RERE: variants seen among roughly 807,000 people sequenced by gnomAD.
RERE encodes arginine-glutamic acid dipeptide repeats.
A neutral mutation model predicts 146.1 loss-of-function variants in RERE; 40 were observed. The observed-to-expected ratio is 0.27, with a 90% CI of 0.21 to 0.36. RERE has a LOEUF of 0.36. Among genes scored for constraint, RERE ranks in the 10% least tolerant of loss-of-function variants. RERE has a pLI of 1.00. For missense variants in RERE, 1,933 were observed against 2,138.7 expected, an observed-to-expected ratio of 0.90 and a Z score of 1.90; for synonymous variants, 1,003 against 866.0, an observed-to-expected ratio of 1.16 and a Z score of -2.78.
chr1:8,454,300 C>T (rs1162657742), intron 11 of RERE, among the ~76,000 whole-genome samples: 3 of 152,154 alleles, frequency 2.0e-5, no homozygotes, highest in South Asian at 2.1e-4. Flanking sequence ...CATGTGTACA[C>T]GTGTGTTTTC....
At chr1:8,377,769 G>A (rs967901220) in intron 12 of RERE, among the ~76,000 whole-genome samples, 2 of 152,094 alleles carry the variant, frequency 1.3e-5, no homozygotes, top group Non-Finnish European at 1.5e-5. Context: ...GTTTAATGAC[G>A]GGAGCGGGAC....
Position 8,360,418 on chromosome 1 carries a change from G to T in RERE, c.3089C>A (p.Pro1030His). The T allele has an allele frequency of 7.8e-7, 1 of 1,276,444 alleles. No individual in the cohort carries two copies. The highest frequency in any genetic ancestry group is 1.0e-6 in the Non-Finnish European group (1 of 998,392). The allele number at this position is 1,276,444 out of a possible 1,614,324, so 79.1% of individuals were successfully genotyped here. A position where few individuals can be genotyped will look rare whatever the true frequency, so the allele number is the denominator to read the frequency against. ...GGGGTGCTGAGCAAACGGGGGTTGGGGGGCCACCTGGTGGAGGCCTGTAGG... is the reference window on the plus strand; with the variant it reads ...GGGGTGCTGAGCAAACGGGGGTTGGTGGGCCACCTGGTGGAGGCCTGTAGG... ...HPPTGLHQVA[P>H]QPPFAQHPFV... Residue 1030 changes from proline (P) to histidine (H), a missense_variant, in exon 18 of 23, where the codon CCC (proline) becomes CAC (histidine). By Grantham distance (77) the Pro-to-His change is moderately conservative (BLOSUM62 -2). Transcript: ENST00000400908.
At chr1:8,416,324 A>T (rs148530415) in intron 12 of RERE, among the ~76,000 whole-genome samples, 2 of 152,118 alleles carry the variant, frequency 1.3e-5, no homozygotes, top group Non-Finnish European at 2.9e-5. Context: ...GGTGGCTCAC[A>T]CCTGTAATCC....
intron 12 of RERE, among the ~76,000 whole-genome samples, chr1:8,399,560 A>G (rs1643176142): frequency 1.3e-5 from 2 of 152,192 alleles, no homozygotes; most frequent in African/African-American, 4.8e-5. Flanking sequence ...TCATTTGTAT[A>G]AAGCCTATCT....
At chr1:8,501,087 G>C (rs1645138250) in intron 8 of RERE, among the ~76,000 whole-genome samples, 2 of 139,390 alleles carry the variant, frequency 1.4e-5, no homozygotes, top group Non-Finnish European at 3.2e-5. Context: ...GGAGGTGAGG[G>C]GCTCCTCTGC....
chr1:8,421,484 T>C (rs1643909227), intron 12 of RERE, among the ~76,000 whole-genome samples: 1 of 152,236 alleles, frequency 6.6e-6, no homozygotes, highest in African/African-American at 2.4e-5. Flanking sequence ...TTTTTACCAT[T>C]CTCAATATGA....
At chr1:8,786,778 G>A in intron 1 of RERE, 2 of 790,910 alleles carry the variant, frequency 2.5e-6, no homozygotes, top group South Asian at 2.7e-5. Context: ...ATAGCACTAT[G>A]CTTTTTCATA....
At chr1:8,503,060 C>T (rs944715152) in intron 8 of RERE, among the ~76,000 whole-genome samples, 128 of 147,558 alleles carry the variant, frequency 8.7e-4, no homozygotes, top group African/African-American at 2.9e-3. Flanking sequence ...TCCCCCTCTG[C>T]GAGAAACACC....
chr1:8,475,078 T>C (rs536570081), intron 10 of RERE, among the ~76,000 whole-genome samples: 2 of 152,228 alleles, frequency 1.3e-5, no homozygotes, highest in African/African-American at 4.8e-5. Context: ...CAAAACAAAA[T>C]TTAAAAATTT....
chr1:8,548,834 A>C (rs1165797314), intron 6 of RERE, among the ~76,000 whole-genome samples: 1 of 151,864 alleles, frequency 6.6e-6, no homozygotes, highest in Non-Finnish European at 1.5e-5. Flanking sequence ...AATACAAAAA[A>C]ATTGGCCAGG....
intron 12 of RERE, among the ~76,000 whole-genome samples, chr1:8,417,137 T>C (rs1403104455): frequency 6.6e-6 from 1 of 152,236 alleles, no homozygotes; most frequent in African/African-American, 2.4e-5. Flanking sequence ...GGAAAATTGT[T>C]TATTTAAGGT....
At chr1:8,721,872 C>T (rs1639870578) in intron 1 of RERE, among the ~76,000 whole-genome samples, 1 of 152,100 alleles carries the variant, frequency 6.6e-6, no homozygotes, top group Admixed American at 6.5e-5. Context: ...TCTGTCTTGA[C>T]AGCAGTAACA....
chr1:8,581,636 T>C (rs1271501217), intron 4 of RERE, among the ~76,000 whole-genome samples: 1 of 152,242 alleles, frequency 6.6e-6, no homozygotes, highest in Admixed American at 6.5e-5. Flanking sequence ...GGTTGGGTTA[T>C]ATCCTGTTTT....
intron 7 of RERE, among the ~76,000 whole-genome samples, chr1:8,518,896 T>TG (rs752017786): frequency 1.3e-5 from 2 of 152,228 alleles, no homozygotes; most frequent in Non-Finnish European, 2.9e-5. Flanking sequence ...ACACTTTCTG[T>TG]GGGTTAGCCC....
intron 4 of RERE, among the ~76,000 whole-genome samples, chr1:8,593,674 C>A (rs922366): frequency 0.62 from 93,905 of 152,130 alleles, 29,385 homozygotes; most frequent in East Asian, 0.83. Context: ...CCAGTGTCCC[C>A]CAATCCACTG....
intron 10 of RERE, among the ~76,000 whole-genome samples, chr1:8,481,079 T>G (rs1362281892): frequency 6.6e-6 from 1 of 152,198 alleles, no homozygotes. Context: ...GATTTCTGAT[T>G]GGCTAAACAG....
intron 4 of RERE, among the ~76,000 whole-genome samples, chr1:8,569,720 T>C (rs1050470159): frequency 1.3e-5 from 2 of 152,144 alleles, no homozygotes; most frequent in Non-Finnish European, 2.9e-5. Context: ...AGTCAGACTC[T>C]GCCTTTACAA....
intron 1 of RERE, among the ~76,000 whole-genome samples, chr1:8,816,003 C>T (rs1208264686): frequency 2.0e-5 from 3 of 152,084 alleles, no homozygotes; most frequent in Non-Finnish European, 4.4e-5. Context: ...ACTCAGCAAG[C>T]AAATCCATGG....
Position 8,661,320 on chromosome 1 carries a change from T to A in RERE, c.-144-4879A>T, listed in dbSNP as rs184524467. 2.6e-5 allele frequency among the ~76,000 whole-genome samples: 4 copies of A among 151,382 alleles called. No homozygotes were observed. The East Asian group carries it at 5.9e-4, about 22-fold the overall frequency. On this transcript the variant is annotated intron_variant, in intron 1 of 22. Transcript: ENST00000400908. ...AAGGGGGAGAGAGGTCAGAGATGAG[T>A]TCAGAGGTTGAAGGGGCAGGGGGAG...
Sources: gnomAD v4.1 joint callset for allele counts (sites outside exome capture counted in the v4.1 genomes callset) on GRCh38, gnomAD v4.1.1 for gene constraint, MANE v1.5 for transcripts, NCBI Gene and HGNC (gene_info 2026-07-23, HGNC 2026-07-21) for gene names.